CDYL: variants seen among roughly 807,000 people sequenced by gnomAD.
CDYL encodes chromodomain Y-like protein.
A neutral mutation model predicts 47.3 loss-of-function variants in CDYL; 8 were observed. The ratio of observed to expected loss-of-function variants is 0.17; its 90% CI spans 0.10 to 0.31. The LOEUF is 0.31. CDYL is among the 10% of genes least tolerant of loss of function. CDYL has a pLI of 1.00. For synonymous variants in CDYL, 266 were observed against 265.0 expected (o/e 1.00, Z -0.04); for missense variants, 471 against 701.4 (o/e 0.67, Z 3.71).
At chr6:4,716,246 CA>C (rs35962503) in intron 2 of CDYL, among the ~76,000 whole-genome samples, 2,772 of 121,004 alleles carry the variant, frequency 0.023, 66 homozygotes, top group African/African-American at 0.068. Context: ...GACTCCATCT[CA>C]AAAAAAAAAA....
chr6:4,781,693 C>T (rs892081157), intron 1 of CDYL, among the ~76,000 whole-genome samples: 2 of 152,086 alleles, frequency 1.3e-5, no homozygotes, highest in African/African-American at 4.8e-5. Context: ...ATAGACTGTT[C>T]CCTCGTGCTC....
chr6:4,788,777 C>T (rs1225790124), intron 1 of CDYL, among the ~76,000 whole-genome samples: 4 of 151,784 alleles, frequency 2.6e-5, no homozygotes, highest in African/African-American at 7.3e-5. Context: ...TAGTGTGACC[C>T]GTGTTTCTCC....
At chr6:4,868,548 C>T (rs1194633314) in intron 1 of CDYL, among the ~76,000 whole-genome samples, 5 of 152,094 alleles carry the variant, frequency 3.3e-5, no homozygotes, top group East Asian at 3.9e-4. Flanking sequence ...TTTAAAATAA[C>T]GGAGTCCTGT....
chr6:4,834,835 C>T (rs929803482), intron 1 of CDYL, among the ~76,000 whole-genome samples: 13 of 152,052 alleles, frequency 8.5e-5, no homozygotes, highest in Non-Finnish European at 5.9e-5. Flanking sequence ...CATCTTCCAT[C>T]GCTGATACCC....
At chr6:4,878,701 TTAAA>T (rs1159490740) in intron 1 of CDYL, among the ~76,000 whole-genome samples, 73 of 152,268 alleles carry the variant, frequency 4.8e-4, no homozygotes, top group East Asian at 7.7e-4. Flanking sequence ...CTATATCAAT[TTAAA>T]TAATATTCCA....
chr6:4,754,510 G>T (rs1277394739), intron 3 of CDYL, among the ~76,000 whole-genome samples: 1 of 152,202 alleles, frequency 6.6e-6, no homozygotes, highest in Non-Finnish European at 1.5e-5. Context: ...TTTGGGTTTT[G>T]TGACAATTTG....
intron 2 of CDYL, among the ~76,000 whole-genome samples, chr6:4,721,194 G>A (rs145706233): frequency 4.6e-5 from 7 of 152,204 alleles, no homozygotes; most frequent in Non-Finnish European, 7.4e-5. Flanking sequence ...GCCTAACAGC[G>A]TTTTTTCAAC....
rs1368612023 is a variant in CDYL, at chr6:4,943,594, A to G, written c.1170A>G (p.Ala390=). ...FIQFKKPIIV[A]VNGPAIGLGA... ...AATTTAAGAAGCCCATTATTGTAGC[A>G]GTCAATGGCCCAGCCATTGGTCTAG... The change falls in exon 5 of 7, where the codon GCA becomes GCG. Residue 390 remains alanine, a synonymous_variant. Transcript: ENST00000397588. 6.2e-7 allele frequency: 1 copy of G among 1,612,984 alleles called. No individual in the cohort carries two copies. Among genetic ancestry groups the G allele is most frequent in the Non-Finnish European group, 8.5e-7 (1 of 1,179,166 alleles).
At chr6:4,769,056 A>G (rs984425236) in intron 3 of CDYL, among the ~76,000 whole-genome samples, 1 of 152,236 alleles carries the variant, frequency 6.6e-6, no homozygotes, top group Non-Finnish European at 1.5e-5. Context: ...AGAAACTGCC[A>G]TAGCCAAGAG....
At chr6:4,719,171 CGCCTTGGCCTCTCAAAGTGCTGTAAGCCA>C (rs1757325397) in intron 2 of CDYL, among the ~76,000 whole-genome samples, 1 of 152,132 alleles carries the variant, frequency 6.6e-6, no homozygotes, top group Non-Finnish European at 1.5e-5. Context: ...GTAATCCACC[CGCCTTGGCCTCTCAAAGTGCTGTAAGCCA>C]CCACACCTGG....
intron 2 of CDYL, among the ~76,000 whole-genome samples, chr6:4,718,319 C>A (rs1757308202): frequency 6.6e-6 from 1 of 151,712 alleles, no homozygotes; most frequent in Admixed American, 6.6e-5. Context: ...TTTTTTGTTG[C>A]CCAAGCTGGA....
chr6:4,808,959 A>G (rs891868241), intron 1 of CDYL, among the ~76,000 whole-genome samples: 2 of 152,084 alleles, frequency 1.3e-5, no homozygotes, highest in Non-Finnish European at 2.9e-5. Flanking sequence ...TGAAATATTG[A>G]TGTGGCTTCC....
At position 4,852,575 on chromosome 6, in the gene CDYL, CCTTCCAAT is replaced by C. The variant is rs1198975758; in HGVS notation, c.25-39132_25-39125del. ...TCCTTCCTTCCAATCTTCCTTCCTT[CCTTCCAAT>C]CTTCCTTCCTCCTTCCTTCCTCCTT... On this transcript the variant is annotated intron_variant, in intron 1 of 6. Transcript: ENST00000397588. Among the ~76,000 whole-genome samples the C allele has an allele frequency of 2.5e-3, 349 of 141,074 alleles. 23 individuals carry two copies. The highest frequency in any genetic ancestry group is 9.8e-3 in the African/African-American group (335 of 34,072). 92.6% of individuals were successfully genotyped at this position (141,074 alleles called of 152,430 possible). A position where few individuals can be genotyped will look rare whatever the true frequency, so the allele number is the denominator to read the frequency against.
At chr6:4,909,656 G>A (rs1050209940) in intron 2 of CDYL, among the ~76,000 whole-genome samples, 2 of 151,856 alleles carry the variant, frequency 1.3e-5, no homozygotes, top group Middle Eastern at 3.2e-3. Context: ...TACAAGCTCC[G>A]CCTCCCGTCT....
At chr6:4,882,749 T>C (rs1376246986) in intron 1 of CDYL, among the ~76,000 whole-genome samples, 1 of 152,228 alleles carries the variant, frequency 6.6e-6, no homozygotes, top group Non-Finnish European at 1.5e-5. Context: ...TGTGCAGCCC[T>C]GTCGAAGATT....
At chr6:4,799,807 A>G (rs1561643471) in intron 1 of CDYL, among the ~76,000 whole-genome samples, 2 of 152,088 alleles carry the variant, frequency 1.3e-5, no homozygotes, top group Non-Finnish European at 2.9e-5. Context: ...AATATGTTAG[A>G]ATTTCCAAAT....
intron 1 of CDYL, chr6:4,715,659 GT>G: frequency 7.4e-7 from 1 of 1,348,666 alleles, no homozygotes; most frequent in Non-Finnish European, 1.0e-6. Context: ...TGTAGAACTG[GT>G]GAAAGTCATT....
intron 1 of CDYL, among the ~76,000 whole-genome samples, chr6:4,845,236 G>C (rs1760622410): frequency 6.6e-6 from 1 of 152,146 alleles, no homozygotes; most frequent in Admixed American, 6.5e-5. Context: ...TGAAAGTTTT[G>C]ATCAAAATTT....
chr6:4,746,560 G>T (rs1757902667), intron 3 of CDYL, among the ~76,000 whole-genome samples: 1 of 152,172 alleles, frequency 6.6e-6, no homozygotes, highest in Non-Finnish European at 1.5e-5. Flanking sequence ...ACCAGAGCTT[G>T]ATGCGTGCTT....
Sources: gnomAD v4.1 joint callset for allele counts (sites outside exome capture counted in the v4.1 genomes callset) on GRCh38, gnomAD v4.1.1 for gene constraint, MANE v1.5 for transcripts, NCBI Gene and HGNC (gene_info 2026-07-23, HGNC 2026-07-21) for gene names.